Variants in ENTHD1 observed in about 807,000 individuals in gnomAD.
The protein encoded by ENTHD1 is ENTH domain-containing protein 1.
In ENTHD1, 23 loss-of-function variants were observed where a neutral mutation model predicts 39.1. The ratio of observed to expected loss-of-function variants is 0.59; its 90% CI spans 0.42 to 0.83. The LOEUF is 0.83. ENTHD1 is among the 40% of genes least tolerant of loss of function. ENTHD1 has a pLI of 0.00. For missense variants in ENTHD1, 624 were observed against 705.4 expected, an observed-to-expected ratio of 0.88 and a Z score of 1.31; for synonymous variants, 230 against 258.2, an observed-to-expected ratio of 0.89 and a Z score of 1.05.
rs191539194 is a variant in ENTHD1 at position 39,806,196 on chromosome 22, C to T, written c.832+14797G>A. On this transcript the variant is annotated intron_variant, in intron 5 of 6. Transcript: ENST00000325157. ...AAAGGAAAACCTAAATAAATAATAT[C>T]GGGGCCAGTGCCAATGCCCACATGC... Among the ~76,000 whole-genome samples the T allele has an allele frequency of 3.6e-3, 549 of 152,346 alleles. 5 individuals are homozygous for T. The highest frequency in any genetic ancestry group is 0.012 in the African/African-American group (479 of 41,564).
At chr22:39,855,733 G>A (rs2066079725) in intron 3 of ENTHD1, among the ~76,000 whole-genome samples, 1 of 152,164 alleles carries the variant, frequency 6.6e-6, no homozygotes, top group Non-Finnish European at 1.5e-5. Context: ...ATCATGAAGT[G>A]GAACTTAAAC....
At chr22:39,837,810 A>G (rs1800197128) in intron 3 of ENTHD1, among the ~76,000 whole-genome samples, 1 of 152,248 alleles carries the variant, frequency 6.6e-6, no homozygotes, top group Non-Finnish European at 1.5e-5. Flanking sequence ...CACCAATGCA[A>G]CAAACTCCTG....
intron 3 of ENTHD1, among the ~76,000 whole-genome samples, chr22:39,858,621 T>C (rs2066114877): frequency 6.6e-6 from 1 of 152,200 alleles, no homozygotes; most frequent in African/African-American, 2.4e-5. Flanking sequence ...TAATAAGACT[T>C]GAAAGTTGAA....
At chr22:39,847,644 G>A (rs2066001514) in intron 3 of ENTHD1, among the ~76,000 whole-genome samples, 1 of 151,712 alleles carries the variant, frequency 6.6e-6, no homozygotes, top group Admixed American at 6.6e-5. Context: ...CTTCCGCCTT[G>A]ATCTCCCAAA....
chr22:39,875,194 T>A, intron 2 of ENTHD1: 1 of 722,160 alleles, frequency 1.4e-6, no homozygotes, highest in Non-Finnish European at 1.9e-6. Context: ...TCAGAAACAT[T>A]ATGTTGAGAG....
chr22:39,855,413 G>A (rs1489329671), intron 3 of ENTHD1, among the ~76,000 whole-genome samples: 1 of 152,026 alleles, frequency 6.6e-6, no homozygotes, highest in Non-Finnish European at 1.5e-5. Context: ...TCTGTGTCTT[G>A]CTTGTATTCT....
At chr22:39,835,627 G>C (rs1290969008) in intron 4 of ENTHD1, among the ~76,000 whole-genome samples, 1 of 151,944 alleles carries the variant, frequency 6.6e-6, no homozygotes, top group Non-Finnish European at 1.5e-5. Context: ...AACACATGAA[G>C]CTGCAAAAGA....
At chr22:39,875,242 T>C (rs2066278079) in intron 2 of ENTHD1, 1 of 1,124,282 alleles carries the variant, frequency 8.9e-7, no homozygotes, top group Non-Finnish European at 1.1e-6. Flanking sequence ...TATGCTTCCA[T>C]TTATATAAAT....
intron 5 of ENTHD1, among the ~76,000 whole-genome samples, chr22:39,777,353 T>G (rs151195379): frequency 5.7e-4 from 87 of 152,314 alleles, no homozygotes; most frequent in African/African-American, 2.0e-3. Flanking sequence ...AAAACCTAAA[T>G]AATCATAACA....
chr22:39,788,330 A>T (rs1423842777), intron 5 of ENTHD1, among the ~76,000 whole-genome samples: 2 of 152,220 alleles, frequency 1.3e-5, no homozygotes, highest in African/African-American at 2.4e-5. Context: ...TCCAACCCTC[A>T]TGGATGACTT....
chr22:39,834,381 A>G (rs958365795), intron 4 of ENTHD1, among the ~76,000 whole-genome samples: 1 of 152,224 alleles, frequency 6.6e-6, no homozygotes, highest in African/African-American at 2.4e-5. Flanking sequence ...AGCACATGAA[A>G]AGATATTCAA....
chr22:39,781,012 C>CAAAAAAAAAAAAAAAAA (rs1555925222), intron 5 of ENTHD1, among the ~76,000 whole-genome samples: 2 of 138,270 alleles, frequency 1.4e-5, no homozygotes. Flanking sequence ...AAAAAAAAAG[C>CAAAAAAAAAAAAAAAAA]AAACAGTAGA....
At chr22:39,803,658 A>G (rs2065616894) in intron 5 of ENTHD1, among the ~76,000 whole-genome samples, 1 of 152,122 alleles carries the variant, frequency 6.6e-6, no homozygotes, top group African/African-American at 2.4e-5. Context: ...GCTGATAACC[A>G]TGCTTCACTT....
intron 2 of ENTHD1, among the ~76,000 whole-genome samples, chr22:39,885,619 T>C (rs2066373327): frequency 6.6e-6 from 1 of 152,206 alleles, no homozygotes; most frequent in South Asian, 2.1e-4. Context: ...TTAAAATGTG[T>C]AATGTACATA....
chr22:39,843,087 T>C (rs1266953619), intron 3 of ENTHD1, among the ~76,000 whole-genome samples: 1 of 151,880 alleles, frequency 6.6e-6, no homozygotes, highest in African/African-American at 2.4e-5. Context: ...AAATACCATT[T>C]GACCCAGCCA....
chr22:39,795,870 T>A (rs1344843253), intron 5 of ENTHD1, among the ~76,000 whole-genome samples: 1 of 152,210 alleles, frequency 6.6e-6, no homozygotes, highest in Non-Finnish European at 1.5e-5. Flanking sequence ...TAGTTGTTCG[T>A]AATAGTCTCT....
At chr22:39,846,559 C>T (rs1384125024) in intron 3 of ENTHD1, among the ~76,000 whole-genome samples, 2 of 152,122 alleles carry the variant, frequency 1.3e-5, no homozygotes, top group South Asian at 2.1e-4. Flanking sequence ...GAAGTCCTTG[C>T]CCATGCCTAT....
chr22:39,774,576 C>G (rs966436820), intron 5 of ENTHD1, among the ~76,000 whole-genome samples: 1 of 152,138 alleles, frequency 6.6e-6, no homozygotes, highest in Non-Finnish European at 1.5e-5. Context: ...CCAGCTTACC[C>G]CCTCAGTCCA....
intron 2 of ENTHD1, among the ~76,000 whole-genome samples, 174 bp from the exon 3 acceptor site, chr22:39,862,181 G>A (rs1320415224): frequency 6.6e-6 from 1 of 151,962 alleles, no homozygotes; most frequent in Non-Finnish European, 1.5e-5. Flanking sequence ...AGGTAAATAA[G>A]TCATTAATAT....
Sources: allele counts gnomAD v4.1 joint callset (sites outside exome capture counted in the v4.1 genomes callset), GRCh38; gene constraint gnomAD v4.1.1; transcripts MANE v1.5; gene names NCBI Gene and HGNC (gene_info 2026-07-23, HGNC 2026-07-21).